Variants in TMCO4 observed in about 807,000 individuals in gnomAD.
The protein encoded by TMCO4 is transmembrane and coiled-coil domain-containing protein 4.
A neutral mutation model predicts 64.7 loss-of-function variants in TMCO4; 58 were observed. The ratio of observed to expected loss-of-function variants is 0.90; its 90% CI spans 0.73 to 1.12. TMCO4 has a LOEUF of 1.12. Among genes scored for constraint, TMCO4 ranks in the 50% most tolerant of loss-of-function variants. The pLI is 0.00. For missense variants in TMCO4, 780 were observed against 825.9 expected (o/e 0.94, Z 0.68); for synonymous variants, 325 against 346.1 (o/e 0.94, Z 0.68).
At position 19,746,694 on chromosome 1, in the gene TMCO4, G is replaced by A. The variant is rs1489436881; in HGVS notation, c.614-95C>T. On this transcript the variant is annotated intron_variant, in intron 8 of 15. Coordinates refer to ENST00000294543, the MANE Select transcript of TMCO4 (RefSeq NM_181719.7). ...AATCCCAGCACTTTGGGAGGCCGAG[G>A]TGGGCGGATCACGAGGTCAGGAGAT... 5 of 1,442,380 alleles carry A rather than the reference G, an allele frequency of 3.5e-6. No individual in the cohort carries two copies. The East Asian group carries it at 1.2e-4, about 36-fold the overall frequency. 89.3% of individuals were successfully genotyped at this position (1,442,380 alleles called of 1,614,324 possible).
intron 14 of TMCO4, among the ~76,000 whole-genome samples, chr1:19,696,629 T>G (rs2095239205): frequency 6.6e-6 from 1 of 151,588 alleles, no homozygotes; most frequent in Non-Finnish European, 1.5e-5. Flanking sequence ...GGGAGATCAA[T>G]TCAAGTTATT....
intron 7 of TMCO4, among the ~76,000 whole-genome samples, chr1:19,751,541 G>A (rs2042017265): frequency 6.6e-6 from 1 of 152,186 alleles, no homozygotes; most frequent in African/African-American, 2.4e-5. Context: ...AGGCTGCAGT[G>A]AGCCTCTGCT....
At chr1:19,759,286 G>A (rs1246497012) in intron 6 of TMCO4, among the ~76,000 whole-genome samples, 3 of 151,766 alleles carry the variant, frequency 2.0e-5, no homozygotes, top group Non-Finnish European at 4.4e-5. Flanking sequence ...CACTGCCACC[G>A]CCACAGCCAC....
intron 3 of TMCO4, among the ~76,000 whole-genome samples, chr1:19,784,492 C>A (rs1181555351): frequency 1.3e-5 from 2 of 152,128 alleles, no homozygotes; most frequent in Non-Finnish European, 2.9e-5. Context: ...TGAGATTGTG[C>A]CACTGCACTC....
chr1:19,786,607 G>A (rs1421181748), intron 3 of TMCO4, among the ~76,000 whole-genome samples: 2 of 152,196 alleles, frequency 1.3e-5, no homozygotes, highest in African/African-American at 4.8e-5. Context: ...GCTGCCCCAG[G>A]CAGGGCCAAG....
rs1228576756 is a variant in TMCO4 at position 19,682,263 on chromosome 1, TG to T, written c.*776del. ...GCTTCTTCTTATTATTATTTATTGC[TG>T]TTGTTATCCCCTCTGTTCCTGCTAC... On this transcript the variant is annotated 3_prime_UTR_variant, in exon 16 of 16. Transcript: ENST00000294543. The T allele has an allele frequency of 4.7e-6, 1 of 213,088 alleles. No individual in the cohort carries two copies. Among genetic ancestry groups the T allele is most frequent in the African/African-American group, 2.2e-5 (1 of 44,832 alleles). The allele number at this position is 213,088 out of a possible 1,614,324, so 13.2% of individuals were successfully genotyped here.
intron 13 of TMCO4, among the ~76,000 whole-genome samples, chr1:19,729,773 T>G (rs2095422947): frequency 1.3e-5 from 2 of 151,880 alleles, no homozygotes; most frequent in Non-Finnish European, 2.9e-5. Context: ...AAAAAATAAA[T>G]AAATAAACAA....
intron 13 of TMCO4, among the ~76,000 whole-genome samples, chr1:19,705,359 G>A (rs2095297014): frequency 6.7e-6 from 1 of 150,046 alleles, no homozygotes; most frequent in South Asian, 2.1e-4. Flanking sequence ...GCTGAGGTAG[G>A]GGAATCGCTT....
At chr1:19,695,923 C>T (rs1369790352) in intron 14 of TMCO4, among the ~76,000 whole-genome samples, 3 of 152,142 alleles carry the variant, frequency 2.0e-5, no homozygotes, top group Admixed American at 6.6e-5. Context: ...CTATGGCCAA[C>T]GTATCAGAGT....
At chr1:19,693,017 C>CA (rs1419484920) in intron 15 of TMCO4, among the ~76,000 whole-genome samples, 2 of 150,638 alleles carry the variant, frequency 1.3e-5, no homozygotes, top group African/African-American at 2.4e-5. Flanking sequence ...ACCAAAACTA[C>CA]AAAAAATTAG....
chr1:19,703,361 C>T (rs1328327257), intron 13 of TMCO4, among the ~76,000 whole-genome samples: 12 of 151,938 alleles, frequency 7.9e-5, no homozygotes, highest in African/African-American at 2.2e-4. Flanking sequence ...AGTGGGAGTT[C>T]GTGCGCCCCA....
chr1:19,713,809 C>T (rs1340167927), intron 13 of TMCO4, among the ~76,000 whole-genome samples: 1 of 152,116 alleles, frequency 6.6e-6, no homozygotes, highest in African/African-American at 2.4e-5. Context: ...ATCTCTCTCC[C>T]CTATTCTCTT....
At chr1:19,712,235 C>G (rs530376599) in intron 13 of TMCO4, among the ~76,000 whole-genome samples, 3 of 152,340 alleles carry the variant, frequency 2.0e-5, no homozygotes, top group African/African-American at 7.2e-5. Flanking sequence ...TTACTAAGTT[C>G]ACCGTCTTAT....
At chr1:19,718,791 C>A (rs1488940978) in intron 13 of TMCO4, among the ~76,000 whole-genome samples, 1 of 151,926 alleles carries the variant, frequency 6.6e-6, no homozygotes, top group African/African-American at 2.4e-5. Flanking sequence ...CAATACACAC[C>A]AGCTCCCTGG....
At chr1:19,763,074 CT>C (rs1240894817) in intron 6 of TMCO4, among the ~76,000 whole-genome samples, 1 of 149,130 alleles carries the variant, frequency 6.7e-6, no homozygotes, top group African/African-American at 2.4e-5. Context: ...ATATCTTTTT[CT>C]TTTTTTCTTT....
At chr1:19,708,144 C>T (rs992443384) in intron 13 of TMCO4, among the ~76,000 whole-genome samples, 3 of 152,096 alleles carry the variant, frequency 2.0e-5, no homozygotes, top group Admixed American at 6.6e-5. Flanking sequence ...TTGTTAGAGG[C>T]TATTGTAGGG....
chr1:19,751,958 G>A (rs1271838257), intron 7 of TMCO4, among the ~76,000 whole-genome samples: 3 of 151,820 alleles, frequency 2.0e-5, no homozygotes, highest in Non-Finnish European at 4.4e-5. Flanking sequence ...TGAGGCAGGA[G>A]AATGGCGTGA....
At chr1:19,740,705 A>T (rs998217746) in intron 11 of TMCO4, 72 bp downstream of exon 11, 11 of 1,521,144 alleles carry the variant, frequency 7.2e-6, no homozygotes, top group Non-Finnish European at 9.8e-6. Flanking sequence ...GGGCATGCAA[A>T]ACTATGGTAC....
chr1:19,776,432 G>A (rs1319242279), intron 4 of TMCO4, among the ~76,000 whole-genome samples: 1 of 152,178 alleles, frequency 6.6e-6, no homozygotes, highest in East Asian at 1.9e-4. Context: ...CTCCTAAGTA[G>A]CGCCTAGTAT....
Sources: allele counts gnomAD v4.1 joint callset (sites outside exome capture counted in the v4.1 genomes callset), GRCh38; gene constraint gnomAD v4.1.1; transcripts MANE v1.5; gene names NCBI Gene and HGNC (gene_info 2026-07-23, HGNC 2026-07-21).